FBXO11: variants seen among roughly 807,000 people sequenced by gnomAD.
FBXO11 encodes F-box only protein 11.
Under a neutral mutation model 117.0 loss-of-function variants are expected in FBXO11, and 13 were observed. The observed-to-expected ratio is 0.11, with a 90% confidence interval of 0.07 to 0.18. FBXO11 has a LOEUF of 0.18. Ranked by LOEUF, FBXO11 falls within the 10% of genes least tolerant of loss-of-function variation. The pLI, the probability that FBXO11 is intolerant of heterozygous loss-of-function variation, is 1.00. For synonymous variants in FBXO11, 490 were observed against 380.5 expected, an observed-to-expected ratio of 1.29 and a Z score of -3.35; for missense variants, 767 against 1,164.4, an observed-to-expected ratio of 0.66 and a Z score of 4.97.
intron 1 of FBXO11, among the ~76,000 whole-genome samples, chr2:47,862,450 CTTTTTAT>C (rs1042249107): frequency 8.1e-4 from 123 of 152,178 alleles, no homozygotes; most frequent in African/African-American, 2.9e-3. Flanking sequence ...GTGAGGCAAA[CTTTTTAT>C]TTTTTATTTT....
chr2:47,879,009 G>T (rs1399742035), intron 1 of FBXO11, among the ~76,000 whole-genome samples: 2 of 151,868 alleles, frequency 1.3e-5, no homozygotes, highest in East Asian at 1.9e-4. Flanking sequence ...ATCTTTCCAC[G>T]TATTCAGTTC....
intron 13 of FBXO11, among the ~76,000 whole-genome samples, chr2:47,821,979 G>T (rs1671423274): frequency 1.3e-5 from 2 of 152,142 alleles, no homozygotes. Context: ...TAGCTACCAG[G>T]GAGGCTGAAG....
intron 2 of FBXO11, 21 bp from the exon 3 acceptor site, chr2:47,839,521 C>G (rs1337379277): frequency 2.5e-6 from 4 of 1,611,064 alleles, no homozygotes; most frequent in Non-Finnish European, 3.4e-6. Context: ...AAAACAGAAA[C>G]TAGTAAAGCA....
chr2:47,818,490 T>C (rs1354454856), intron 16 of FBXO11: 2 of 288,648 alleles, frequency 6.9e-6, no homozygotes, highest in Non-Finnish European at 6.4e-6. Context: ...TAACACAGAC[T>C]TCCACTCTCC....
intron 1 of FBXO11, among the ~76,000 whole-genome samples, chr2:47,857,546 T>C (rs772927350): frequency 1.8e-4 from 27 of 152,062 alleles, no homozygotes; most frequent in African/African-American, 2.4e-4. Flanking sequence ...CTGATCTACA[T>C]AGAAGCTTAG....
In FBXO11 at chr2:47,809,272, A is replaced by G. The variant is rs372111670; in HGVS notation, c.2447-6T>C. On this transcript the variant is annotated splice_polypyrimidine_tract_variant and splice_region_variant and intron_variant, in intron 20 of 22. Transcript: ENST00000403359. ...ATTGTTCATTATTTTGTTATCTGTA[A>G]TAAAAGAAAGAATAAGTAAAAATTC... The G allele has an allele frequency of 2.2e-5, 34 of 1,513,772 alleles. No individual in the cohort carries two copies. Among genetic ancestry groups the G allele is most frequent in the Non-Finnish European group, 2.9e-5 (32 of 1,102,932 alleles). 93.8% of individuals were successfully genotyped at this position (1,513,772 alleles called of 1,614,324 possible).
Position 47,900,733 on chromosome 2 carries a change from T to C in FBXO11, c.232+4756A>G, listed in dbSNP as rs550888799. 2.1e-4 allele frequency among the ~76,000 whole-genome samples: 24 copies of C among 114,356 alleles called. No individual in the cohort carries two copies. In the South Asian group the frequency reaches 6.7e-3, roughly 32 times the overall value. 75.0% of individuals were successfully genotyped at this position (114,356 alleles called of 152,430 possible). On this transcript the variant is annotated intron_variant, in intron 1 of 22. Transcript: ENST00000403359. ...ATATATATACACGTATACACACACG[T>C]GTATATATATACACGTATACACACA...
rs879044969 is a variant in FBXO11, at chr2:47,873,664, A to G, written c.232+31825T>C. 6.6e-5 allele frequency among the ~76,000 whole-genome samples: 10 copies of G among 152,248 alleles called. No homozygotes were observed. The East Asian group carries it at 1.9e-3, about 29-fold the overall frequency. On this transcript the variant is annotated intron_variant, in intron 1 of 22. Transcript: ENST00000403359. ...GCTTCCATACCTGCCGGCTGTTTCAACTTTATTGGGTACACTAAGTTGCTA... is the reference window on the plus strand; with the variant it reads ...GCTTCCATACCTGCCGGCTGTTTCAGCTTTATTGGGTACACTAAGTTGCTA...
intron 11 of FBXO11, among the ~76,000 whole-genome samples, chr2:47,831,148 G>A (rs1003004230): frequency 6.6e-6 from 1 of 151,854 alleles, no homozygotes; most frequent in Non-Finnish European, 1.5e-5. Flanking sequence ...CAGGCGCAGT[G>A]GCTCATGCCT....
intron 17 of FBXO11, 102 bp downstream of exon 17, chr2:47,813,689 T>C: frequency 7.5e-6 from 7 of 936,480 alleles, no homozygotes; most frequent in Non-Finnish European, 1.2e-5. Flanking sequence ...CATCTCGGCC[T>C]CCCAAAGTGC....
At position 47,810,317 on chromosome 2, in the gene FBXO11, T is replaced by A; in HGVS notation, c.2337A>T (p.Ala779=). The A allele has an allele frequency of 3.1e-6, 5 of 1,594,270 alleles. No individual in the cohort carries two copies. The highest frequency in any genetic ancestry group is 4.3e-6 in the Non-Finnish European group (5 of 1,168,462). Residue 779 remains alanine, a splice_region_variant and synonymous_variant, in exon 19 of 23, where the codon GCA becomes GCT. Transcript: ENST00000403359. ...CAGGTAAGAAAAGAAAATACAAACC[T>A]GCGGCAAATCCATCAAATATTCTGT... ...RKNRIFDGFA[A]GIEITNHATA...
intron 11 of FBXO11, among the ~76,000 whole-genome samples, chr2:47,830,804 T>G (rs988518620): frequency 6.6e-6 from 1 of 152,090 alleles, no homozygotes; most frequent in African/African-American, 2.4e-5. Context: ...TCAAAAATGA[T>G]GAACTTGGCC....
chr2:47,871,597 G>A (rs1173340448), intron 1 of FBXO11, among the ~76,000 whole-genome samples: 1 of 152,070 alleles, frequency 6.6e-6, no homozygotes, highest in Non-Finnish European at 1.5e-5. Context: ...TGTCTTCATA[G>A]GTTTATTAGC....
At chr2:47,812,309 A>G (rs906590654) in intron 18 of FBXO11, among the ~76,000 whole-genome samples, 1 of 152,242 alleles carries the variant, frequency 6.6e-6, no homozygotes, top group African/African-American at 2.4e-5. Flanking sequence ...ATCAGTATCT[A>G]AAGAATAAAA....
chr2:47,844,170 T>C (rs903142625), intron 1 of FBXO11, among the ~76,000 whole-genome samples: 1 of 152,224 alleles, frequency 6.6e-6, no homozygotes, highest in Non-Finnish European at 1.5e-5. Flanking sequence ...TTTCTAAAAG[T>C]TAATTTTTTC....
At chr2:47,861,271 G>T (rs1016097286) in intron 1 of FBXO11, among the ~76,000 whole-genome samples, 19 of 150,086 alleles carry the variant, frequency 1.3e-4, no homozygotes, top group Non-Finnish European at 2.5e-4. Context: ...AGTAGATATT[G>T]TAATTGACTT....
intron 1 of FBXO11, among the ~76,000 whole-genome samples, chr2:47,856,855 G>A (rs1006962839): frequency 7.2e-5 from 11 of 152,178 alleles, no homozygotes; most frequent in Non-Finnish European, 1.2e-4. Context: ...CACGAATGTC[G>A]TAATACAAAG....
chr2:47,825,872 G>A (rs747875875), intron 11 of FBXO11, among the ~76,000 whole-genome samples: 5 of 148,978 alleles, frequency 3.4e-5, no homozygotes, highest in Admixed American at 6.7e-5. Flanking sequence ...CCACCATGCC[G>A]GGCCGACAAA....
rs55886808 is a variant in FBXO11 at position 47,807,207 on chromosome 2, C to CT, written c.*910dup. 4 of 256,422 alleles carry CT rather than the reference C, an allele frequency of 1.6e-5. No individual in the cohort carries two copies. Among genetic ancestry groups the CT allele is most frequent in the Non-Finnish European group, 3.0e-5 (4 of 132,596 alleles). 15.9% of individuals were successfully genotyped at this position (256,422 alleles called of 1,614,324 possible). On this transcript the variant is annotated 3_prime_UTR_variant, in exon 23 of 23. Transcript: ENST00000403359. ...TTGGTTTAATTTCCAGCAGTTTTGT[C>CT]TAAACTGTTCAAAAAAAAACTATGA...
Sources: allele counts gnomAD v4.1 joint callset (sites outside exome capture counted in the v4.1 genomes callset), GRCh38; gene constraint gnomAD v4.1.1; transcripts MANE v1.5; gene names NCBI Gene and HGNC (gene_info 2026-07-23, HGNC 2026-07-21).